The following DNHD1 variants were observed in gnomAD, a reference collection of about 807,000 sequenced individuals.
The protein encoded by DNHD1 is dynein heavy chain domain 1.
Under a neutral mutation model 458.1 loss-of-function variants are expected in DNHD1, and 383 were observed. The ratio of observed to expected loss-of-function variants is 0.84; its 90% CI spans 0.77 to 0.91. The LOEUF (loss-of-function observed/expected upper bound fraction) is 0.91. Among genes scored for constraint, DNHD1 ranks in the 40% least tolerant of loss-of-function variants. The pLI, the probability that DNHD1 is intolerant of heterozygous loss-of-function variation, is 0.00. For synonymous variants in DNHD1, 2,203 were observed against 2,376.9 expected, an observed-to-expected ratio of 0.93 and a Z score of 2.13; for missense variants, 5,336 against 5,866.1, an observed-to-expected ratio of 0.91 and a Z score of 2.95.
rs1853256124 is a variant in DNHD1 at position 6,547,803 on chromosome 11, T to A, written c.6728-60T>A. On this transcript the variant is annotated intron_variant, in intron 21 of 42. Coordinates refer to ENST00000254579, the MANE Select transcript of DNHD1 (RefSeq NM_144666.3). The stretch of plus-strand genomic sequence containing the variant: ...AGTAATACTGTCAACCTTTTTTCTT[T>A]CTTTCACCTTCCACCTTTTTCTACT... The A allele has an allele frequency of 7.8e-6, 12 of 1,541,000 alleles. No individual in the cohort carries two copies. The South Asian group carries it at 1.4e-4, about 18-fold the overall frequency.
chr11:6,566,534 C>G, intron 34 of DNHD1, 53 bp from the exon 35 acceptor site: 4 of 1,596,776 alleles, frequency 2.5e-6, no homozygotes, highest in Non-Finnish European at 3.4e-6. Flanking sequence ...GTCTACTCTA[C>G]CCCCTGGCTC....
chr11:6,520,218 C>T lies in DNHD1; in HGVS notation c.1786-20C>T. On this transcript the variant is annotated intron_variant, in intron 9 of 42. Transcript: ENST00000254579. Reference sequence around the variant, plus strand: ...CATTGCTTTCCCATTTCTGCCCCTTCTCCATATCCTGGCATGAAGGTAGTG... The same window carrying T: ...CATTGCTTTCCCATTTCTGCCCCTTTTCCATATCCTGGCATGAAGGTAGTG... 1 of 1,565,186 alleles carries T rather than the reference C, an allele frequency of 6.4e-7. No individual in the cohort carries two copies. Among genetic ancestry groups the T allele is most frequent in the Non-Finnish European group, 8.7e-7 (1 of 1,153,618 alleles).
intron 25 of DNHD1, 54 bp downstream of exon 25, chr11:6,558,351 CA>C: frequency 6.5e-7 from 1 of 1,532,508 alleles, no homozygotes. Flanking sequence ...CTGTCTTGGC[CA>C]AAAGGCCAAA....
chr11:6,538,842 A>G (rs1853026111), intron 16 of DNHD1, 32 bp downstream of exon 16: 1 of 1,469,450 alleles, frequency 6.8e-7, no homozygotes, highest in Non-Finnish European at 9.1e-7. Context: ...GGAGGGGGAA[A>G]GGGAAATATG....
At chr11:6,524,513 A>T (rs1852669833) in intron 10 of DNHD1, among the ~76,000 whole-genome samples, 1 of 152,160 alleles carries the variant, frequency 6.6e-6, no homozygotes, top group Admixed American at 6.5e-5. Context: ...ACTTTATATG[A>T]TATTTGAGTT....
chr11:6,511,477 C>T, intron 7 of DNHD1, 48 bp downstream of exon 7: 2 of 1,598,366 alleles, frequency 1.3e-6, no homozygotes, highest in Non-Finnish European at 8.5e-7. Context: ...AGTTGAGCTC[C>T]CCAGAGTTTC....
chr11:6,509,353 T>C (rs1402671098), intron 6 of DNHD1, 81 bp downstream of exon 6: 2 of 1,271,878 alleles, frequency 1.6e-6, no homozygotes, highest in African/African-American at 3.0e-5. Flanking sequence ...TTGTAGAAAA[T>C]CTGAAAGATA....
chr11:6,557,800 C>G lies in DNHD1; in HGVS notation c.8505C>G (p.Asn2835Lys), dbSNP rs1853500309. Residue 2835 changes from asparagine (N) to lysine (K), a missense_variant, in exon 25 of 43, where the codon AAC becomes AAG. Physicochemically the swap from Asn to Lys is moderately conservative, Grantham distance 94. Transcript: ENST00000254579. ...TGGGGCCTAACTCTGAGACCCCCAA[C>G]TTGTACCTGGAACGACAGTGGGAGA... is the stretch of plus-strand genomic sequence containing the variant. ...LILGPNSETP[N>K]LYLERQWEKL... 6.4e-7 allele frequency: 1 copy of G among 1,551,424 alleles called. No homozygotes were observed. The highest frequency in any genetic ancestry group is 1.4e-5 in the African/African-American group (1 of 73,052).
chr11:6,522,423 C>CA, intron 10 of DNHD1, among the ~76,000 whole-genome samples: 1 of 152,134 alleles, frequency 6.6e-6, no homozygotes, highest in Middle Eastern at 3.4e-3. Context: ...GATGAGAACT[C>CA]ATGGACACAA....
rs147806015 is a variant in DNHD1 at position 6,538,549 on chromosome 11, G to C, written c.3126+39G>C. On this transcript the variant is annotated intron_variant, in intron 15 of 42. Transcript: ENST00000254579. ...TCCTTGGAGCTCTTGACTGGGAGTGGAGGACTACAGTGGTGGGGGAGGGGA... is the reference window on the plus strand; with the variant it reads ...TCCTTGGAGCTCTTGACTGGGAGTGCAGGACTACAGTGGTGGGGGAGGGGA... 9.5e-4 allele frequency: 1,476 copies of C among 1,551,674 alleles called. 19 individuals carry two copies. The East Asian group carries it at 0.032, about 33-fold the overall frequency.
chr11:6,502,511 G>C (rs1852157816), intron 3 of DNHD1, among the ~76,000 whole-genome samples: 1 of 152,150 alleles, frequency 6.6e-6, no homozygotes, highest in Admixed American at 6.5e-5. Flanking sequence ...CAGAAAGGGA[G>C]AGGTTGCTCA....
intron 18 of DNHD1, 35 bp downstream of exon 18, chr11:6,540,118 C>T: frequency 6.5e-7 from 1 of 1,534,288 alleles, no homozygotes; most frequent in Non-Finnish European, 8.8e-7. Context: ...GTGAAAGCCC[C>T]CTGCTGGGGG....
chr11:6,514,424 C>T (rs1202783311), intron 7 of DNHD1, among the ~76,000 whole-genome samples: 1 of 151,886 alleles, frequency 6.6e-6, no homozygotes, highest in East Asian at 1.9e-4. Flanking sequence ...TTCATTCTCA[C>T]CAACACTTAT....
intron 24 of DNHD1, among the ~76,000 whole-genome samples, chr11:6,553,469 A>T (rs1464862378): frequency 1.3e-5 from 2 of 152,218 alleles, no homozygotes; most frequent in Non-Finnish European, 2.9e-5. Context: ...TCTATTCAAC[A>T]CTGTACTGGA....
At chr11:6,503,160 T>A (rs915907752) in intron 4 of DNHD1, 2 of 471,608 alleles carry the variant, frequency 4.2e-6, no homozygotes, top group Admixed American at 8.4e-5. Context: ...TACACATCCT[T>A]TTCTCACATT....
Position 6,563,951 on chromosome 11 carries a change from G to A in DNHD1, c.10111G>A (p.Ala3371Thr). ...CCGCCTGGGCTACTACCAGTTTCAGGCCCAGGAGACCCTGGAGCATAATTT... is the reference window on the plus strand; with the variant it reads ...CCGCCTGGGCTACTACCAGTTTCAGACCCAGGAGACCCTGGAGCATAATTT... ...QARLGYYQFQ[A>T]QETLEHNLAL... The change falls in exon 31 of 43, where the codon GCC becomes ACC. Residue 3371 changes from alanine to threonine, a missense_variant. Physicochemically the swap from Ala to Thr is moderately conservative, Grantham distance 58. Coordinates refer to ENST00000254579, the MANE Select transcript of DNHD1 (RefSeq NM_144666.3). 1 of 1,551,700 alleles carries A rather than the reference G, an allele frequency of 6.4e-7. No individual in the cohort carries two copies. The highest frequency in any genetic ancestry group is 1.2e-5 in the South Asian group (1 of 84,070).
Position 6,548,011 on chromosome 11 carries a change from CT to C in DNHD1, c.6877del (p.Trp2293GlyfsTer19). On this transcript the variant is annotated frameshift_variant, in exon 22 of 43. Coordinates refer to ENST00000254579, the MANE Select transcript of DNHD1 (RefSeq NM_144666.3). LOFTEE classifies it high-confidence loss of function. This position sits in a 1 kb window ranked among gnomAD's most constrained non-coding sequence, Gnocchi z 4.4. ...TCAGCAGTTTTCTTTTTGCCTTGAT[CT>C]GGGGCTTTGGAGCCCACCTTCCCTC... is the stretch of plus-strand genomic sequence containing the variant. ...AVSSFLFALI[W>X]GFGAHLPSRF... 2.6e-6 allele frequency: 4 copies of C among 1,551,704 alleles called. No homozygotes were observed. The highest frequency in any genetic ancestry group is 3.5e-6 in the Non-Finnish European group (4 of 1,147,004).
rs1311046393 is a variant in DNHD1, at chr11:6,502,946, C to A, written c.920+20C>A. On this transcript the variant is annotated intron_variant, in intron 4 of 42. Transcript: ENST00000254579. ...CTTTAGGTGATAGCCTATGTCCAGG[C>A]CCCTTCTCCTCCCCCTGCCTGGTTT... is the stretch of plus-strand genomic sequence containing the variant. 5 of 1,607,652 alleles carry A rather than the reference C, an allele frequency of 3.1e-6. No homozygotes were observed. Among genetic ancestry groups the A allele is most frequent in the Non-Finnish European group, 3.4e-6 (4 of 1,177,750 alleles).
intron 24 of DNHD1, among the ~76,000 whole-genome samples, chr11:6,554,002 T>C (rs1052950916): frequency 1.3e-5 from 2 of 152,108 alleles, no homozygotes; most frequent in East Asian, 1.9e-4. Context: ...CTGAAACTTA[T>C]ATAGCAATGC....
Sources: allele counts gnomAD v4.1 joint callset (sites outside exome capture counted in the v4.1 genomes callset), GRCh38; gene constraint gnomAD v4.1.1; non-coding constraint Gnocchi (gnomAD v3.1); transcripts MANE v1.5; gene names NCBI Gene and HGNC (gene_info 2026-07-23, HGNC 2026-07-21).